The following RAPGEF1 variants were observed in gnomAD, a reference collection of about 807,000 sequenced individuals.
RAPGEF1 encodes Rap guanine nucleotide exchange factor 1, also known as CRK SH3-binding GNRP.
RAPGEF1 carries 33 observed loss-of-function variants against 143.3 expected under a neutral mutation model. The observed-to-expected ratio is 0.23, with a 90% confidence interval of 0.17 to 0.31. The LOEUF is 0.31. RAPGEF1 is among the 10% of genes least tolerant of loss of function. The probability of loss-of-function intolerance (pLI) is 1.00; values close to 1 mark genes in which losing one functional copy is unlikely to be tolerated. For synonymous variants in RAPGEF1, 629 were observed against 676.5 expected, an observed-to-expected ratio of 0.93 and a Z score of 1.09; for missense variants, 1,199 against 1,645.4, an observed-to-expected ratio of 0.73 and a Z score of 4.69.
rs530864905 is a variant in RAPGEF1 at position 131,675,772 on chromosome 9, C to T, written c.62-24823G>A. 3.3e-5 allele frequency among the ~76,000 whole-genome samples: 5 copies of T among 152,364 alleles called. No homozygotes were observed. In the East Asian group the frequency reaches 5.8e-4, roughly 18 times the overall value. Reference sequence around the variant, plus strand: ...TGTAATTTACTGAGCACTTACTATACGCCAGCCCTGACAGGCAGACATTAA... The same window carrying T: ...TGTAATTTACTGAGCACTTACTATATGCCAGCCCTGACAGGCAGACATTAA... On this transcript the variant is annotated intron_variant, in intron 1 of 26. Coordinates refer to ENST00000683357, the MANE Select transcript of RAPGEF1 (RefSeq NM_001377935.1). This position sits in a 1 kb window ranked among gnomAD's most constrained non-coding sequence, Gnocchi z 4.6.
chr9:131,739,462 C>T (rs1837612420), intron 1 of RAPGEF1, among the ~76,000 whole-genome samples: 1 of 152,052 alleles, frequency 6.6e-6, no homozygotes, highest in African/African-American at 2.4e-5. Context: ...TCTTCCCCTG[C>T]TTGGGGCTCG....
intron 12 of RAPGEF1, among the ~76,000 whole-genome samples, chr9:131,611,943 C>T (rs1204573517): frequency 6.6e-6 from 1 of 152,200 alleles, no homozygotes; most frequent in Non-Finnish European, 1.5e-5. Context: ...TGGATTCCAA[C>T]CCTGGCTCTA....
At chr9:131,711,570 C>T (rs1018406472) in intron 1 of RAPGEF1, among the ~76,000 whole-genome samples, 1 of 152,176 alleles carries the variant, frequency 6.6e-6, no homozygotes. Flanking sequence ...GTTGGCCAGG[C>T]TGGTCTCAAA....
chr9:131,606,903 G>T (rs11243450), intron 12 of RAPGEF1, among the ~76,000 whole-genome samples: 35,123 of 152,054 alleles, frequency 0.23, 4,442 homozygotes, highest in Non-Finnish European at 0.29. Flanking sequence ...GGGATTACAG[G>T]GATCAGCCAC....
In RAPGEF1 at chr9:131,651,939, T is replaced by C. The variant is rs548380776; in HGVS notation, c.62-990A>G. Among the ~76,000 whole-genome samples the C allele has an allele frequency of 1.1e-4, 16 of 152,322 alleles. No individual in the cohort carries two copies. The South Asian group carries it at 3.1e-3, about 30-fold the overall frequency. On this transcript the variant is annotated intron_variant, in intron 1 of 26. Coordinates refer to ENST00000683357, the MANE Select transcript of RAPGEF1 (RefSeq NM_001377935.1). The stretch of plus-strand genomic sequence containing the variant: ...CTGTACTGAGTACTGCAGGCAACTG[T>C]AATACAATGGTATTTGTGTATCCAA...
intron 21 of RAPGEF1, 43 bp from the exon 22 acceptor site, chr9:131,587,873 T>A: frequency 1.2e-6 from 2 of 1,603,606 alleles, no homozygotes; most frequent in Non-Finnish European, 8.5e-7. Flanking sequence ...GCCCCGGCTT[T>A]CCCCTGATGG....
In RAPGEF1 at chr9:131,650,812, T is replaced by C. The variant is rs754353280; in HGVS notation, c.199A>G (p.Lys67Glu). 1.5e-5 allele frequency: 24 copies of C among 1,613,526 alleles called. No homozygotes were observed. The highest frequency in any genetic ancestry group is 1.3e-4 in the Admixed American group (8 of 59,892). Residue 67 changes from lysine to glutamate, a missense_variant and splice_region_variant, in exon 2 of 27, where the codon AAA (lysine) becomes GAA (glutamate). By Grantham distance (56) the Lys-to-Glu change is moderately conservative. Transcript: ENST00000683357. The surrounding 1 kb of genome is among the most constrained non-coding windows in gnomAD (Gnocchi z 4.7). ...SVKIPEKPVNKEATDRFLPEG... is the reference protein window; with the variant it reads ...SVKIPEKPVNEEATDRFLPEG... Reference sequence around the variant, plus strand: ...AGAAACATCCAGAGTCAGCTTACTTTGTTCACAGGCTTCTCTGGAATCTTT... The same window carrying C: ...AGAAACATCCAGAGTCAGCTTACTTCGTTCACAGGCTTCTCTGGAATCTTT...
intron 18 of RAPGEF1, 72 bp downstream of exon 18, chr9:131,592,027 A>G (rs1954371342): frequency 1.6e-6 from 2 of 1,218,870 alleles, no homozygotes; most frequent in East Asian, 2.4e-5. Context: ...ACGAGGACTG[A>G]AGGGCAAGAG....
chr9:131,628,002 A>G lies in RAPGEF1; in HGVS notation c.1112T>C (p.Ile371Thr). 4 of 1,595,860 alleles carry G rather than the reference A, an allele frequency of 2.5e-6. No individual in the cohort carries two copies. The highest frequency in any genetic ancestry group is 1.1e-5 in the South Asian group (1 of 87,782). The change falls in exon 9 of 27, where the codon ATA (isoleucine) becomes ACA (threonine). Residue 371 changes from isoleucine (I) to threonine (T), a missense_variant. Physicochemically the swap from Ile to Thr is moderately conservative, Grantham distance 89. Transcript: ENST00000683357. This position sits in a 1 kb window ranked among gnomAD's most constrained non-coding sequence, Gnocchi z 5.7. ...CTCGTCTGACTTGCTGAGCTTGCCT[A>G]TGCTGCTGCAGGGGGAGAGGCGGGG... ...ESPRLSPCSS[I>T]GKLSKSDEQL...
At chr9:131,579,762 G>T in intron 26 of RAPGEF1, 115 bp from the exon 27 acceptor site, 2 of 1,129,392 alleles carry the variant, frequency 1.8e-6, no homozygotes, top group Non-Finnish European at 2.5e-6. Flanking sequence ...GCAGCAAACG[G>T]ATGCTGCAGG....
chr9:131,733,516 AAG>A lies in RAPGEF1; in HGVS notation c.61+6252_61+6253del, dbSNP rs955074908. Reference sequence around the variant, plus strand: ...GTAAGAATCACCCAAGGACACAACTAAGATGTTCTCAAACAGATGACCAGAAA... The same window carrying A: ...GTAAGAATCACCCAAGGACACAACTAATGTTCTCAAACAGATGACCAGAAA... On this transcript the variant is annotated intron_variant, in intron 1 of 26. Transcript: ENST00000683357. Among the ~76,000 whole-genome samples, 87 of 152,262 alleles carry A rather than the reference AAG, an allele frequency of 5.7e-4. 1 individual carries two copies. The highest frequency in any genetic ancestry group is 1.7e-3 in the African/African-American group (72 of 41,552).
At chr9:131,618,894 A>T (rs1481921660) in intron 12 of RAPGEF1, among the ~76,000 whole-genome samples, 157 bp downstream of exon 12, 1 of 152,224 alleles carries the variant, frequency 6.6e-6, no homozygotes, top group East Asian at 1.9e-4. Context: ...TTAAGGCCCC[A>T]GAGAACCAAC....
At position 131,621,115 on chromosome 9, in the gene RAPGEF1, A is replaced by C. The variant is rs1960843531; in HGVS notation, c.1905+681T>G. The stretch of plus-strand genomic sequence containing the variant: ...TGGAGGGATGCCACAGGTACCCCCG[A>C]TCTGCTCACCCTCCCAGTGCCTGGG... On this transcript the variant is annotated intron_variant, in intron 11 of 26. Transcript: ENST00000683357. This position sits in a 1 kb window ranked among gnomAD's most constrained non-coding sequence, Gnocchi z 4.5. 6.6e-6 allele frequency among the ~76,000 whole-genome samples: 1 copy of C among 152,222 alleles called. No individual in the cohort carries two copies. The highest frequency in any genetic ancestry group is 6.5e-5 in the Admixed American group (1 of 15,284).
Position 131,654,276 on chromosome 9 carries a change from G to T in RAPGEF1, c.62-3327C>A, listed in dbSNP as rs535440354. ...TGTACCCTTTTTGAATGAATTGTAT[G>T]ATATGTGAATTATATATCAATAAAG... On this transcript the variant is annotated intron_variant, in intron 1 of 26. Transcript: ENST00000683357. 3.3e-5 allele frequency among the ~76,000 whole-genome samples: 5 copies of T among 152,216 alleles called. No homozygotes were observed. In the East Asian group the frequency reaches 9.6e-4, roughly 29 times the overall value.
intron 1 of RAPGEF1, among the ~76,000 whole-genome samples, chr9:131,678,072 C>A (rs891934560): frequency 6.6e-6 from 1 of 152,218 alleles, no homozygotes; most frequent in Non-Finnish European, 1.5e-5. Context: ...ACGCAAACCA[C>A]GGAGCTAATG....
intron 25 of RAPGEF1, among the ~76,000 whole-genome samples, chr9:131,580,753 T>G (rs777222022): frequency 2.6e-5 from 4 of 151,906 alleles, no homozygotes; most frequent in Non-Finnish European, 5.9e-5. Context: ...GGCAGAGATC[T>G]CCTTTTATTA....
At chr9:131,705,874 G>A (rs111976312) in intron 1 of RAPGEF1, among the ~76,000 whole-genome samples, 1 of 152,098 alleles carries the variant, frequency 6.6e-6, no homozygotes, top group East Asian at 1.9e-4. Flanking sequence ...CTGCCTCTGC[G>A]GCTTTTCAAC....
At chr9:131,738,084 G>T (rs1837537817) in intron 1 of RAPGEF1, among the ~76,000 whole-genome samples, 1 of 152,086 alleles carries the variant, frequency 6.6e-6, no homozygotes, top group Admixed American at 6.5e-5. Context: ...CAAAATGCAG[G>T]GATTACAGGC....
intron 1 of RAPGEF1, among the ~76,000 whole-genome samples, chr9:131,653,267 G>A (rs1971572020): frequency 1.3e-5 from 2 of 152,160 alleles, no homozygotes; most frequent in South Asian, 2.1e-4. Flanking sequence ...CAAATACAAT[G>A]TAAATGTTAT....
Sources: allele counts gnomAD v4.1 joint callset (sites outside exome capture counted in the v4.1 genomes callset), GRCh38; gene constraint gnomAD v4.1.1; non-coding constraint Gnocchi (gnomAD v3.1); transcripts MANE v1.5; gene names NCBI Gene and HGNC (gene_info 2026-07-23, HGNC 2026-07-21).